Variants in CA1 observed in about 807,000 individuals in gnomAD.
CA1 encodes the protein carbonic anhydrase 1, also known as carbonate dehydratase I.
A neutral mutation model predicts 28.8 loss-of-function variants in CA1; 27 were observed. That is an observed-to-expected ratio of 0.94 (90% CI 0.69 to 1.29). The LOEUF is 1.29. CA1 is among the 50% of genes most tolerant of loss of function. The pLI is 0.00. For synonymous variants in CA1, 121 were observed against 108.8 expected (o/e 1.11, Z -0.70); for missense variants, 335 against 310.5 (o/e 1.08, Z -0.59).
intron 3 of CA1, chr8:85,337,956 C>T: frequency 2.0e-6 from 1 of 492,406 alleles, no homozygotes. Flanking sequence ...CTAGACCTTT[C>T]TGGATAAATG....
At chr8:85,353,291 A>G (rs1428048844) in intron 1 of CA1, among the ~76,000 whole-genome samples, 2 of 152,178 alleles carry the variant, frequency 1.3e-5, no homozygotes, top group Non-Finnish European at 2.9e-5. Flanking sequence ...ATTTTTATTT[A>G]TGATCTTAAT....
intron 1 of CA1, among the ~76,000 whole-genome samples, chr8:85,372,726 G>A (rs758580093): frequency 2.6e-5 from 4 of 152,156 alleles, no homozygotes; most frequent in East Asian, 1.9e-4. Flanking sequence ...TAAACAATAC[G>A]TTTTCAATTG....
chr8:85,337,279 A>G, intron 3 of CA1: 1 of 548,332 alleles, frequency 1.8e-6, no homozygotes, highest in Non-Finnish European at 3.3e-6. Flanking sequence ...TCCATGAATT[A>G]TACACATTTC....
At chr8:85,361,625 C>T (rs1361016695) in intron 1 of CA1, among the ~76,000 whole-genome samples, 1 of 152,090 alleles carries the variant, frequency 6.6e-6, no homozygotes, top group Non-Finnish European at 1.5e-5. Context: ...TGCAGTGAGC[C>T]ATCACACCAC....
At chr8:85,349,196 T>C (rs141233315) in intron 1 of CA1, among the ~76,000 whole-genome samples, 10 of 152,302 alleles carry the variant, frequency 6.6e-5, no homozygotes, top group African/African-American at 2.4e-4. Flanking sequence ...AATGAGACCA[T>C]TTTACTCCTG....
intron 1 of CA1, among the ~76,000 whole-genome samples, chr8:85,374,545 C>T (rs1025943650): frequency 9.9e-5 from 15 of 152,116 alleles, no homozygotes; most frequent in Admixed American, 6.6e-4. Context: ...TTTAATCGTA[C>T]GTAAGACATT....
intron 1 of CA1, among the ~76,000 whole-genome samples, chr8:85,361,568 T>C (rs781396479): frequency 3.3e-5 from 5 of 152,018 alleles, no homozygotes; most frequent in Non-Finnish European, 5.9e-5. Flanking sequence ...TCCCACCTAC[T>C]TGGGAGGCCG....
At chr8:85,356,674 A>G (rs1229127875) in intron 1 of CA1, among the ~76,000 whole-genome samples, 1 of 152,042 alleles carries the variant, frequency 6.6e-6, no homozygotes, top group Admixed American at 6.6e-5. Flanking sequence ...TTTTCATTTT[A>G]CTTAATCTTA....
intron 6 of CA1, 50 bp from the exon 7 acceptor site, chr8:85,329,894 A>C: frequency 2.2e-6 from 3 of 1,336,308 alleles, no homozygotes; most frequent in Non-Finnish European, 3.2e-6. Flanking sequence ...TACTTATATG[A>C]ATATATGTGA....
intron 7 of CA1, among the ~76,000 whole-genome samples, chr8:85,329,471 G>A (rs1241985111): frequency 2.0e-5 from 3 of 151,782 alleles, no homozygotes; most frequent in Admixed American, 6.6e-5. Context: ...AAAGAGTGGC[G>A]GGAGTCATTT....
intron 4 of CA1, among the ~76,000 whole-genome samples, chr8:85,335,001 A>T (rs1564021885): frequency 1.1e-5 from 1 of 93,238 alleles, no homozygotes; most frequent in Non-Finnish European, 2.1e-5. Context: ...AAAATAAATA[A>T]ATAAATAACG....
At chr8:85,372,227 G>A (rs1357799271) in intron 1 of CA1, among the ~76,000 whole-genome samples, 1 of 152,004 alleles carries the variant, frequency 6.6e-6, no homozygotes, top group African/African-American at 2.4e-5. Context: ...CAGGTTTTTG[G>A]GAGGCCCTCT....
rs375451443 is a variant in CA1 at position 85,366,378 on chromosome 8, T to C, written c.-25+11668A>G. Among the ~76,000 whole-genome samples the C allele has an allele frequency of 9.9e-5, 15 of 152,222 alleles. No homozygotes were observed. In the East Asian group the frequency reaches 2.3e-3, roughly 24 times the overall value. On this transcript the variant is annotated intron_variant, in intron 1 of 7. Coordinates refer to ENST00000523022, the MANE Select transcript of CA1 (RefSeq NM_001128831.4). ...TTCTCCCTTAGCCTCCAAGGAAGACTTTTGATCTTTTGCTCACAAAATAGC... is the reference window on the plus strand; with the variant it reads ...TTCTCCCTTAGCCTCCAAGGAAGACCTTTGATCTTTTGCTCACAAAATAGC...
At chr8:85,332,148 A>G (rs1808432722) in intron 6 of CA1, among the ~76,000 whole-genome samples, 1 of 152,198 alleles carries the variant, frequency 6.6e-6, no homozygotes, top group Non-Finnish European at 1.5e-5. Flanking sequence ...GAATTTTTCT[A>G]CTGCTAAAAA....
intron 1 of CA1, among the ~76,000 whole-genome samples, chr8:85,369,633 A>G (rs561950736): frequency 9.9e-5 from 15 of 152,160 alleles, no homozygotes; most frequent in Non-Finnish European, 1.8e-4. Context: ...TTTGCATCAT[A>G]ATAGCTAGTC....
intron 1 of CA1, among the ~76,000 whole-genome samples, chr8:85,361,990 C>T (rs938254614): frequency 6.6e-6 from 1 of 152,144 alleles, no homozygotes; most frequent in African/African-American, 2.4e-5. Context: ...AAAGTTTAGC[C>T]TCTTACAATA....
At chr8:85,344,885 T>C (rs1220901497) in intron 1 of CA1, among the ~76,000 whole-genome samples, 2 of 152,170 alleles carry the variant, frequency 1.3e-5, no homozygotes, top group Non-Finnish European at 2.9e-5. Flanking sequence ...TGAGGAAATA[T>C]ATATTGTGAA....
At chr8:85,361,909 T>A (rs774360853) in intron 1 of CA1, among the ~76,000 whole-genome samples, 1 of 152,178 alleles carries the variant, frequency 6.6e-6, no homozygotes, top group Non-Finnish European at 1.5e-5. Context: ...ATCTTTATGG[T>A]ATTGAGTTTA....
intron 1 of CA1, among the ~76,000 whole-genome samples, chr8:85,375,919 G>C (rs1810397709): frequency 6.6e-6 from 1 of 152,208 alleles, no homozygotes; most frequent in African/African-American, 2.4e-5. Flanking sequence ...TATTGAACTG[G>C]ATATAAAACA....
Sources: allele counts gnomAD v4.1 joint callset (sites outside exome capture counted in the v4.1 genomes callset), GRCh38; gene constraint gnomAD v4.1.1; transcripts MANE v1.5; gene names NCBI Gene and HGNC (gene_info 2026-07-23, HGNC 2026-07-21).